The following FBXL17 variants were observed in gnomAD, a reference collection of about 807,000 sequenced individuals.
FBXL17 encodes the protein F-box/LRR-repeat protein 17.
FBXL17 carries 22 observed loss-of-function variants against 66.2 expected under a neutral mutation model. The ratio of observed to expected loss-of-function variants is 0.33; its 90% confidence interval spans 0.24 to 0.47. The LOEUF (loss-of-function observed/expected upper bound fraction) is 0.47. Among genes scored for constraint, FBXL17 ranks in the 20% least tolerant of loss-of-function variants. The pLI, the probability that FBXL17 is intolerant of heterozygous loss-of-function variation, is 1.00. For synonymous variants in FBXL17, 474 were observed against 400.5 expected (o/e 1.18, Z -2.19); for missense variants, 878 against 948.2 (o/e 0.93, Z 0.97).
intron 8 of FBXL17, chr5:107,879,313 T>C (rs1386261988): frequency 1.0e-6 from 1 of 985,382 alleles, no homozygotes; most frequent in Non-Finnish European, 1.2e-6. Context: ...TGAGGAGTTC[T>C]GCTGTCATTG....
chr5:107,983,658 T>C (rs2112676614), intron 7 of FBXL17, among the ~76,000 whole-genome samples: 1 of 152,250 alleles, frequency 6.6e-6, no homozygotes, highest in Non-Finnish European at 1.5e-5. Context: ...CTCGGGTCCA[T>C]CCCAAAGAAG....
At chr5:107,897,101 A>T (rs1198487980) in intron 7 of FBXL17, among the ~76,000 whole-genome samples, 1 of 152,146 alleles carries the variant, frequency 6.6e-6, no homozygotes, top group East Asian at 1.9e-4. Context: ...AAAAATACTA[A>T]GATAATAGGA....
intron 6 of FBXL17, among the ~76,000 whole-genome samples, chr5:108,124,958 T>C (rs1483877247): frequency 2.0e-5 from 3 of 152,002 alleles, no homozygotes; most frequent in African/African-American, 7.2e-5. Context: ...GGAAAACGAC[T>C]AGGGCAATAT....
intron 5 of FBXL17, among the ~76,000 whole-genome samples, chr5:108,223,672 A>T (rs942454153): frequency 4.0e-5 from 6 of 151,690 alleles, no homozygotes; most frequent in Non-Finnish European, 5.9e-5. Context: ...ATATTATTGA[A>T]CTCTCTGAGC....
intron 1 of FBXL17, among the ~76,000 whole-genome samples, chr5:108,380,015 A>G (rs769070002): frequency 6.6e-6 from 1 of 152,170 alleles, no homozygotes; most frequent in Non-Finnish European, 1.5e-5. Flanking sequence ...ACCTAGATCT[A>G]CCCTTTACTT....
chr5:108,343,582 A>G (rs192287263), intron 4 of FBXL17, among the ~76,000 whole-genome samples: 1 of 152,284 alleles, frequency 6.6e-6, no homozygotes, highest in African/African-American at 2.4e-5. Context: ...TAAACCCATT[A>G]ATTTATTAAC....
At chr5:108,225,124 C>T (rs184772421) in intron 4 of FBXL17, among the ~76,000 whole-genome samples, 18 of 152,270 alleles carry the variant, frequency 1.2e-4, no homozygotes, top group Admixed American at 1.0e-3. Flanking sequence ...TGGCAATCTA[C>T]ATTTTCCTAT....
At chr5:107,905,360 A>G (rs1441104544) in intron 7 of FBXL17, among the ~76,000 whole-genome samples, 1 of 152,138 alleles carries the variant, frequency 6.6e-6, no homozygotes, top group African/African-American at 2.4e-5. Flanking sequence ...AGCTTATCCC[A>G]AACTCAAGAT....
At chr5:108,292,608 C>T (rs1758159119) in intron 4 of FBXL17, among the ~76,000 whole-genome samples, 1 of 152,162 alleles carries the variant, frequency 6.6e-6, no homozygotes, top group Non-Finnish European at 1.5e-5. Context: ...GCTGAGGGAT[C>T]ATGACCTCAC....
chr5:107,950,566 C>T (rs1018750393), intron 7 of FBXL17, among the ~76,000 whole-genome samples: 5 of 152,096 alleles, frequency 3.3e-5, no homozygotes, highest in Non-Finnish European at 5.9e-5. Flanking sequence ...TATGCCATTC[C>T]GTTAGAAACT....
intron 5 of FBXL17, among the ~76,000 whole-genome samples, chr5:108,216,498 T>C (rs1309044527): frequency 1.3e-5 from 2 of 152,220 alleles, no homozygotes; most frequent in Non-Finnish European, 2.9e-5. Flanking sequence ...TATAAAATTA[T>C]AACTTTTTAA....
intron 6 of FBXL17, among the ~76,000 whole-genome samples, chr5:108,075,708 C>A (rs924731692): frequency 6.6e-6 from 1 of 152,128 alleles, no homozygotes; most frequent in Admixed American, 6.5e-5. Context: ...AACTCCTGAT[C>A]TCAGGTGATC....
At chr5:108,333,010 T>C (rs1401372508) in intron 4 of FBXL17, among the ~76,000 whole-genome samples, 2 of 149,096 alleles carry the variant, frequency 1.3e-5, no homozygotes, top group Non-Finnish European at 3.0e-5. Context: ...TAAGATCTTG[T>C]AATTTTCAAA....
At chr5:108,298,821 CA>C in intron 4 of FBXL17, 1 of 883,456 alleles carries the variant, frequency 1.1e-6, no homozygotes. Context: ...CAAAATAAAA[CA>C]AAAAATAAAA....
intron 6 of FBXL17, among the ~76,000 whole-genome samples, chr5:108,025,357 T>G (rs1028131519): frequency 6.6e-6 from 1 of 152,160 alleles, no homozygotes; most frequent in African/African-American, 2.4e-5. Flanking sequence ...CCTAAGTCAC[T>G]TTTATATTTG....
intron 4 of FBXL17, among the ~76,000 whole-genome samples, chr5:108,344,732 G>A (rs1747138663): frequency 6.6e-6 from 1 of 152,146 alleles, no homozygotes; most frequent in Non-Finnish European, 1.5e-5. Flanking sequence ...TCTGGTACAG[G>A]GAAATTAAAG....
At position 107,996,750 on chromosome 5, in the gene FBXL17, G is replaced by C. The variant is rs148135857; in HGVS notation, c.1822+24175C>G. Among the ~76,000 whole-genome samples, 60 of 152,300 alleles carry C rather than the reference G, an allele frequency of 3.9e-4. 1 individual carries two copies. The highest frequency in any genetic ancestry group is 1.4e-3 in the African/African-American group (60 of 41,572). ...CAGTGAAGAAACTGAGATCCAGAGA[G>C]ATTAAAAAATGTGCCTGTCTTCACA... On this transcript the variant is annotated intron_variant, in intron 7 of 8. Transcript: ENST00000542267.
intron 5 of FBXL17, among the ~76,000 whole-genome samples, chr5:108,199,011 G>A (rs1286828761): frequency 6.6e-6 from 1 of 152,028 alleles, no homozygotes; most frequent in Non-Finnish European, 1.5e-5. Flanking sequence ...CTGAAACAAA[G>A]AAATGTCCAA....
intron 4 of FBXL17, among the ~76,000 whole-genome samples, chr5:108,318,212 C>G (rs931698133): frequency 1.3e-5 from 2 of 151,648 alleles, no homozygotes; most frequent in African/African-American, 4.8e-5. Context: ...TAGTAATGAG[C>G]TATACCCAGC....
Sources: gnomAD v4.1 joint callset for allele counts (sites outside exome capture counted in the v4.1 genomes callset) on GRCh38, gnomAD v4.1.1 for gene constraint, MANE v1.5 for transcripts, NCBI Gene and HGNC (gene_info 2026-07-23, HGNC 2026-07-21) for gene names.